ZNF277: variants seen among roughly 807,000 people sequenced by gnomAD.
ZNF277 encodes zinc finger protein 277.
Under a neutral mutation model 60.7 loss-of-function variants are expected in ZNF277, and 55 were observed. That is an observed-to-expected ratio of 0.91 (90% confidence interval 0.73 to 1.13). The LOEUF is 1.13. ZNF277 is among the 50% of genes most tolerant of loss of function. ZNF277 has a pLI of 0.00. For synonymous variants in ZNF277, 178 were observed against 179.3 expected (o/e 0.99, Z 0.06); for missense variants, 510 against 523.0 (o/e 0.98, Z 0.24).
intron 1 of ZNF277, among the ~76,000 whole-genome samples, chr7:112,225,124 T>C (rs1822142501): frequency 6.6e-6 from 1 of 152,234 alleles, no homozygotes; most frequent in Non-Finnish European, 1.5e-5. Flanking sequence ...TTCAAGAAGT[T>C]AGTCATGTGT....
At chr7:112,240,180 G>A (rs1790914018) in intron 1 of ZNF277, among the ~76,000 whole-genome samples, 1 of 152,034 alleles carries the variant, frequency 6.6e-6, no homozygotes, top group South Asian at 2.1e-4. Flanking sequence ...AAGACTAGAA[G>A]AAAGGAAAGA....
intron 2 of ZNF277, 81 bp downstream of exon 2, chr7:112,287,155 G>A: frequency 6.9e-7 from 1 of 1,443,140 alleles, no homozygotes; most frequent in Non-Finnish European, 9.6e-7. Context: ...TACTTTGGGA[G>A]GCCAAAGTGG....
intron 2 of ZNF277, chr7:112,288,689 C>G (rs1007135603): frequency 6.3e-6 from 1 of 158,388 alleles, no homozygotes; most frequent in African/African-American, 2.4e-5. Context: ...TTCGGCTGAT[C>G]TGGCTGGCTA....
intron 11 of ZNF277, among the ~76,000 whole-genome samples, chr7:112,342,202 C>T (rs1306596586): frequency 6.6e-6 from 1 of 152,098 alleles, no homozygotes; most frequent in Admixed American, 6.5e-5. Flanking sequence ...GTGTATCAAA[C>T]AACTAGATCT....
chr7:112,277,676 T>C (rs1791839519), intron 1 of ZNF277, among the ~76,000 whole-genome samples: 1 of 152,220 alleles, frequency 6.6e-6, no homozygotes, highest in African/African-American at 2.4e-5. Flanking sequence ...ATAGCTACCA[T>C]TGTTCGACAG....
At chr7:112,243,523 A>T (rs1240620134) in intron 1 of ZNF277, among the ~76,000 whole-genome samples, 1 of 151,652 alleles carries the variant, frequency 6.6e-6, no homozygotes, top group Non-Finnish European at 1.5e-5. Context: ...CAGACAAAGG[A>T]CATAGACATT....
intron 1 of ZNF277, among the ~76,000 whole-genome samples, chr7:112,260,772 C>T (rs1056859010): frequency 1.3e-5 from 2 of 152,086 alleles, no homozygotes; most frequent in African/African-American, 2.4e-5. Context: ...GTGGGCTAGG[C>T]GGAGAGCACA....
chr7:112,327,822 T>A lies in ZNF277; in HGVS notation c.663T>A (p.Leu221=), dbSNP rs761631103. 2.7e-5 allele frequency: 44 copies of A among 1,604,834 alleles called. 1 individual carries two copies. Among genetic ancestry groups the A allele is most frequent in the Non-Finnish European group, 3.5e-5 (41 of 1,175,156 alleles). The change falls in exon 6 of 12, where the codon CTT becomes CTA. Residue 221 remains leucine (L), a synonymous_variant. Transcript: ENST00000361822. ...NEFLCTLQKK[L]DNLQCLYCEK... Reference sequence around the variant, plus strand: ...TTTTGTGTACATTACAGAAAAAGCTTGACAAGTAAGTACTGATTTATGAAA... The same window carrying A: ...TTTTGTGTACATTACAGAAAAAGCTAGACAAGTAAGTACTGATTTATGAAA...
chr7:112,293,281 A>T (rs1047282907), intron 2 of ZNF277, among the ~76,000 whole-genome samples: 7 of 151,976 alleles, frequency 4.6e-5, no homozygotes, highest in Non-Finnish European at 8.8e-5. Context: ...TTGTCCATTT[A>T]AAAAAAAGTC....
chr7:112,222,230 C>G (rs890897929), intron 1 of ZNF277, among the ~76,000 whole-genome samples: 1 of 152,196 alleles, frequency 6.6e-6, no homozygotes, highest in African/African-American at 2.4e-5. Context: ...TCCTCCTCTT[C>G]AGTGTTTTGG....
Position 112,306,784 on chromosome 7 carries a change from T to C in ZNF277, c.465+10473T>C, listed in dbSNP as rs773311056. 3.9e-5 allele frequency among the ~76,000 whole-genome samples: 6 copies of C among 152,072 alleles called. 1 individual carries two copies. The highest frequency in any genetic ancestry group is 7.4e-5 in the Non-Finnish European group (5 of 68,002). ...GTATTTTAAATATTTAATTTTTTAATATTTAAATCTTTTAACACCAAATAC... is the reference window on the plus strand; with the variant it reads ...GTATTTTAAATATTTAATTTTTTAACATTTAAATCTTTTAACACCAAATAC... On this transcript the variant is annotated intron_variant, in intron 4 of 11. Transcript: ENST00000361822.
intron 1 of ZNF277, among the ~76,000 whole-genome samples, chr7:112,231,669 T>C (rs1336526359): frequency 6.6e-6 from 1 of 152,084 alleles, no homozygotes; most frequent in Non-Finnish European, 1.5e-5. Flanking sequence ...TATGAGTGTT[T>C]TTACTGACAT....
intron 2 of ZNF277, among the ~76,000 whole-genome samples, chr7:112,292,486 TC>T (rs1224463746): frequency 3.9e-5 from 6 of 152,206 alleles, no homozygotes; most frequent in African/African-American, 1.2e-4. Flanking sequence ...TTCTGCCTTG[TC>T]AAAAAGCATT....
chr7:112,292,039 G>A (rs1200665775), intron 2 of ZNF277, among the ~76,000 whole-genome samples: 1 of 152,034 alleles, frequency 6.6e-6, no homozygotes, highest in Non-Finnish European at 1.5e-5. Flanking sequence ...TTTATCCCAT[G>A]GGAAACACTT....
chr7:112,267,123 G>A (rs1489979039), intron 1 of ZNF277, among the ~76,000 whole-genome samples: 2 of 152,096 alleles, frequency 1.3e-5, no homozygotes, highest in African/African-American at 4.8e-5. Flanking sequence ...CAGCAGAAAT[G>A]GCAGCTTGCA....
intron 1 of ZNF277, among the ~76,000 whole-genome samples, chr7:112,266,429 G>C (rs1791552130): frequency 6.6e-6 from 1 of 152,184 alleles, no homozygotes; most frequent in South Asian, 2.1e-4. Flanking sequence ...TTACAGGCAA[G>C]AGTCACAGTG....
intron 1 of ZNF277, among the ~76,000 whole-genome samples, chr7:112,216,822 G>A (rs1821897341): frequency 6.6e-6 from 1 of 152,200 alleles, no homozygotes; most frequent in Admixed American, 6.5e-5. Context: ...AGAATTAGTT[G>A]CACATGTGTG....
chr7:112,242,572 AAC>A (rs201888674), intron 1 of ZNF277, among the ~76,000 whole-genome samples: 40,899 of 137,052 alleles, frequency 0.3, 6,755 homozygotes, highest in East Asian at 0.66. Context: ...AAAAAAAAAA[AAC>A]AAAATAAAAT....
intron 4 of ZNF277, among the ~76,000 whole-genome samples, chr7:112,306,945 A>C (rs1421977775): frequency 2.0e-5 from 3 of 151,996 alleles, no homozygotes; most frequent in African/African-American, 7.2e-5. Context: ...ACACTCAGAT[A>C]CCGTTGAGAA....
Sources: gnomAD v4.1 joint callset for allele counts (sites outside exome capture counted in the v4.1 genomes callset) on GRCh38, gnomAD v4.1.1 for gene constraint, MANE v1.5 for transcripts, NCBI Gene and HGNC (gene_info 2026-07-23, HGNC 2026-07-21) for gene names.